Variants in MAML2 observed in about 807,000 individuals in gnomAD.
MAML2 encodes mastermind-like protein 2.
MAML2 carries 22 observed loss-of-function variants against 96.1 expected under a neutral mutation model. The ratio of observed to expected loss-of-function variants is 0.23; its 90% CI spans 0.16 to 0.33. The LOEUF is 0.33. Ranked by LOEUF, MAML2 falls within the 10% of genes least tolerant of loss-of-function variation. The probability of loss-of-function intolerance (pLI) is 1.00; values close to 1 mark genes in which losing one functional copy is unlikely to be tolerated. For missense variants in MAML2, 1,367 were observed against 1,392.4 expected (o/e 0.98, Z 0.29); for synonymous variants, 561 against 521.3 (o/e 1.08, Z -1.04).
At chr11:96,096,281 T>A (rs1859826911) in intron 1 of MAML2, among the ~76,000 whole-genome samples, 1 of 152,178 alleles carries the variant, frequency 6.6e-6, no homozygotes, top group Non-Finnish European at 1.5e-5. Flanking sequence ...CTTTAGGCTA[T>A]GAGGAGTGTA....
In MAML2 at chr11:96,092,658, GGCTGGTGCTGCT is replaced by G. The variant is rs772605230; in HGVS notation, c.1361_1372del (p.Gln454_Gln457del). 2.5e-5 allele frequency: 40 copies of G among 1,612,900 alleles called. No homozygotes were observed. In the Admixed American group the frequency reaches 3.2e-4, roughly 13 times the overall value. On this transcript the variant is annotated inframe_deletion, in exon 2 of 5. Coordinates refer to ENST00000524717, the MANE Select transcript of MAML2 (RefSeq NM_032427.4). The surrounding 1 kb of genome is among the most constrained non-coding windows in gnomAD (Gnocchi z 4.1). ...AGAGGGCAAGGCTGACCAGTTGGTAGGCTGGTGCTGCTGCTGGTGCTGCTGCATCCGGGCATG... is the reference window on the plus strand; with the variant it reads ...AGAGGGCAAGGCTGACCAGTTGGTAGGCTGGTGCTGCTGCATCCGGGCATG...
At chr11:96,152,343 G>A (rs184761079) in intron 1 of MAML2, among the ~76,000 whole-genome samples, 178 of 152,274 alleles carry the variant, frequency 1.2e-3, no homozygotes, top group Admixed American at 2.5e-3. Flanking sequence ...ATGACAAATC[G>A]AGAAACAACT....
intron 2 of MAML2, among the ~76,000 whole-genome samples, chr11:96,078,539 C>T (rs915324059): frequency 2.0e-5 from 3 of 152,200 alleles, no homozygotes; most frequent in African/African-American, 4.8e-5. Flanking sequence ...GTATCTACTG[C>T]TAATTTCTAA....
intron 2 of MAML2, among the ~76,000 whole-genome samples, chr11:96,039,665 G>A (rs962677530): frequency 1.2e-4 from 18 of 151,162 alleles, no homozygotes; most frequent in East Asian, 4.0e-4. Context: ...AGAGATCATC[G>A]GCCGGGCGCG....
At chr11:96,299,060 A>C (rs12575665) in intron 1 of MAML2, among the ~76,000 whole-genome samples, 1 of 56,342 alleles carries the variant, frequency 1.8e-5, no homozygotes, top group African/African-American at 9.0e-5. Context: ...AAAAAAAAAA[A>C]ATATATATAT....
chr11:95,993,771 G>A (rs1429222467), intron 2 of MAML2, among the ~76,000 whole-genome samples: 4 of 152,122 alleles, frequency 2.6e-5, no homozygotes, highest in African/African-American at 9.7e-5. Flanking sequence ...TAATCTCTGA[G>A]GCTACAGAGC....
At chr11:96,084,635 A>G (rs1006751897) in intron 2 of MAML2, among the ~76,000 whole-genome samples, 2 of 152,198 alleles carry the variant, frequency 1.3e-5, no homozygotes, top group Non-Finnish European at 2.9e-5. Context: ...AGTCAGGGCA[A>G]AGAGGCTGGT....
Position 96,342,608 on chromosome 11 carries a change from T to C in MAML2, c.-713A>G, listed in dbSNP as rs1396989673. ...CTCCTCTTTGGGGTACTGTAGGATG[T>C]TGTCTTCTCCCAAAAGAGGGAGACA... On this transcript the variant is annotated 5_prime_UTR_variant, in exon 1 of 5. Coordinates refer to ENST00000524717, the MANE Select transcript of MAML2 (RefSeq NM_032427.4). 4 of 393,170 alleles carry C rather than the reference T, an allele frequency of 1.0e-5. No homozygotes were observed. Among genetic ancestry groups the C allele is most frequent in the Admixed American group, 8.9e-5 (2 of 22,578 alleles). The allele number at this position is 393,170 out of a possible 1,614,324, so 24.4% of individuals were successfully genotyped here.
At chr11:96,182,814 G>T (rs919610892) in intron 1 of MAML2, among the ~76,000 whole-genome samples, 2 of 152,082 alleles carry the variant, frequency 1.3e-5, no homozygotes, top group African/African-American at 4.8e-5. Context: ...GTTTGCTCTC[G>T]CTGGAGAAGG....
chr11:96,298,055 A>G (rs1357672081), intron 1 of MAML2, among the ~76,000 whole-genome samples: 3 of 152,076 alleles, frequency 2.0e-5, no homozygotes, highest in East Asian at 1.9e-4. Flanking sequence ...ATATCCTATC[A>G]TCTCCCACTT....
At chr11:96,231,334 A>T (rs530117516) in intron 1 of MAML2, among the ~76,000 whole-genome samples, 1 of 152,308 alleles carries the variant, frequency 6.6e-6, no homozygotes, top group Non-Finnish European at 1.5e-5. Flanking sequence ...TATTCCTATT[A>T]ACTTGAATAA....
intron 2 of MAML2, among the ~76,000 whole-genome samples, chr11:96,061,934 A>G (rs1235540284): frequency 6.6e-6 from 1 of 152,172 alleles, no homozygotes; most frequent in Non-Finnish European, 1.5e-5. Context: ...TTTGTTCAGC[A>G]TAGACATTTC....
At chr11:96,190,959 G>A (rs1861644107) in intron 1 of MAML2, among the ~76,000 whole-genome samples, 1 of 152,174 alleles carries the variant, frequency 6.6e-6, no homozygotes, top group Non-Finnish European at 1.5e-5. Context: ...TATAAGGTTA[G>A]TCTTTCTCTA....
chr11:96,272,041 C>G (rs11021510), intron 1 of MAML2, among the ~76,000 whole-genome samples: 16,790 of 152,074 alleles, frequency 0.11, 1,138 homozygotes, highest in Admixed American at 0.23. Flanking sequence ...TGGTACTATC[C>G]TACACCTCCT....
intron 2 of MAML2, among the ~76,000 whole-genome samples, chr11:96,008,231 G>T (rs537045928): frequency 1.6e-5 from 1 of 62,444 alleles, no homozygotes; most frequent in African/African-American, 6.8e-5. Flanking sequence ...ATTTGGGTAG[G>T]TTGGTTGTAT....
At chr11:96,007,611 A>G (rs940844742) in intron 2 of MAML2, among the ~76,000 whole-genome samples, 3 of 152,216 alleles carry the variant, frequency 2.0e-5, no homozygotes, top group African/African-American at 7.2e-5. Flanking sequence ...ATGCACTCCT[A>G]TTAGCATATA....
At chr11:96,298,927 C>T (rs1863340692) in intron 1 of MAML2, among the ~76,000 whole-genome samples, 2 of 145,956 alleles carry the variant, frequency 1.4e-5, no homozygotes, top group East Asian at 4.0e-4. Flanking sequence ...CGCCTGTAGT[C>T]CCAGCTACTC....
chr11:96,175,660 G>A lies in MAML2; in HGVS notation c.514-82143C>T, dbSNP rs1301983004. 5.9e-5 allele frequency among the ~76,000 whole-genome samples: 9 copies of A among 152,100 alleles called. No individual in the cohort carries two copies. The East Asian group carries it at 1.2e-3, about 20-fold the overall frequency. On this transcript the variant is annotated intron_variant, in intron 1 of 4. Transcript: ENST00000524717. Reference sequence around the variant, plus strand: ...GGATGGAGTGCAGTGGCGTGATCTCGGCTCACTGCAACCTCCACCTCCTGG... The same window carrying A: ...GGATGGAGTGCAGTGGCGTGATCTCAGCTCACTGCAACCTCCACCTCCTGG...
intron 1 of MAML2, among the ~76,000 whole-genome samples, chr11:96,156,029 C>T (rs1488061741): frequency 2.0e-5 from 3 of 152,168 alleles, no homozygotes; most frequent in Non-Finnish European, 2.9e-5. Context: ...TGACCGCCCC[C>T]CACTGGTTCC....
Sources: gnomAD v4.1 joint callset for allele counts (sites outside exome capture counted in the v4.1 genomes callset) on GRCh38, gnomAD v4.1.1 for gene constraint, Gnocchi (gnomAD v3.1) non-coding constraint, MANE v1.5 for transcripts, NCBI Gene and HGNC (gene_info 2026-07-23, HGNC 2026-07-21) for gene names.